CHST9: variants seen among roughly 807,000 people sequenced by gnomAD.
The protein encoded by CHST9 is GalNAc-4-sulfotransferase 2.
In CHST9, 41 loss-of-function variants were observed where a neutral mutation model predicts 44.4. That is an observed-to-expected ratio of 0.92 (90% CI 0.72 to 1.20). CHST9 has a LOEUF of 1.20. Among genes scored for constraint, CHST9 ranks in the 50% most tolerant of loss-of-function variants. The pLI is 0.00. For missense variants in CHST9, 504 were observed against 516.5 expected, an observed-to-expected ratio of 0.98 and a Z score of 0.23; for synonymous variants, 171 against 178.4, an observed-to-expected ratio of 0.96 and a Z score of 0.33.
chr18:26,973,092 G>A (rs1327604837), intron 4 of CHST9, among the ~76,000 whole-genome samples: 10 of 152,100 alleles, frequency 6.6e-5, no homozygotes, highest in African/African-American at 2.4e-5. Context: ...AATGTCTCCC[G>A]TTGGAGAGGC....
chr18:27,132,219 G>T (rs1037852041), intron 2 of CHST9, among the ~76,000 whole-genome samples: 1 of 152,150 alleles, frequency 6.6e-6, no homozygotes, highest in Non-Finnish European at 1.5e-5. Flanking sequence ...CATTGTAAGA[G>T]ACTTTAAAAG....
At position 26,921,502 on chromosome 18, in the gene CHST9, A is replaced by C. The variant is rs747495655; in HGVS notation, c.241-4152T>G. Among the ~76,000 whole-genome samples the C allele has an allele frequency of 2.4e-4, 36 of 152,240 alleles. 1 individual carries two copies. Among genetic ancestry groups the C allele is most frequent in the Non-Finnish European group, 5.0e-4 (34 of 68,002 alleles). Reference sequence around the variant, plus strand: ...CCTTCTCCTGGAACTCCTCATCTCAATGTCATCCACCTTATAAAAGCTGTT... The same window carrying C: ...CCTTCTCCTGGAACTCCTCATCTCACTGTCATCCACCTTATAAAAGCTGTT... On this transcript the variant is annotated intron_variant, in intron 5 of 5. Transcript: ENST00000618847.
intron 2 of CHST9, among the ~76,000 whole-genome samples, chr18:27,049,436 G>A (rs1264556777): frequency 6.6e-6 from 1 of 152,118 alleles, no homozygotes; most frequent in African/African-American, 2.4e-5. Flanking sequence ...CAAGGAGCTT[G>A]TAAGAGGTCA....
At chr18:27,076,351 G>T (rs924555611) in intron 2 of CHST9, among the ~76,000 whole-genome samples, 1 of 152,176 alleles carries the variant, frequency 6.6e-6, no homozygotes, top group Non-Finnish European at 1.5e-5. Context: ...GTGTGTAAGT[G>T]TATGTGTGTA....
intron 4 of CHST9, among the ~76,000 whole-genome samples, chr18:26,971,911 C>T (rs1361487952): frequency 6.6e-6 from 1 of 151,940 alleles, no homozygotes; most frequent in Non-Finnish European, 1.5e-5. Context: ...TGAAGGGGAA[C>T]ACAGACAATA....
intron 5 of CHST9, among the ~76,000 whole-genome samples, chr18:26,926,231 C>A (rs1382338891): frequency 2.0e-5 from 3 of 152,162 alleles, no homozygotes; most frequent in Non-Finnish European, 2.9e-5. Flanking sequence ...TCAAGTTGAT[C>A]CAAAAAGCTA....
rs1282523536 is a variant in CHST9, at chr18:26,907,267, C to T, written c.*8992G>A. Reference sequence around the variant, plus strand: ...GTGAGGAGTCAGCTTAGGGAGAAATCGGGGTTGACTTCTAGGTTCCTAACT... The same window carrying T: ...GTGAGGAGTCAGCTTAGGGAGAAATTGGGGTTGACTTCTAGGTTCCTAACT... On this transcript the variant is annotated 3_prime_UTR_variant, in exon 6 of 6. Transcript: ENST00000618847. 3 of 152,538 alleles carry T rather than the reference C, an allele frequency of 2.0e-5. No homozygotes were observed. The highest frequency in any genetic ancestry group is 2.1e-4 in the South Asian group (1 of 4,826). 9.4% of individuals were successfully genotyped at this position (152,538 alleles called of 1,614,324 possible).
chr18:26,933,228 A>G (rs2055913824), intron 5 of CHST9: 1 of 153,700 alleles, frequency 6.5e-6, no homozygotes, highest in African/African-American at 2.4e-5. Flanking sequence ...ACCCCCATCC[A>G]TGCTTGCAAC....
chr18:26,931,966 G>A (rs1481494907), intron 5 of CHST9, among the ~76,000 whole-genome samples: 3 of 151,830 alleles, frequency 2.0e-5, no homozygotes, highest in Non-Finnish European at 4.4e-5. Flanking sequence ...CTTTCCTCTC[G>A]GTGACATCAC....
intron 5 of CHST9, chr18:26,924,761 G>C (rs894968406): frequency 2.0e-5 from 3 of 153,140 alleles, no homozygotes; most frequent in African/African-American, 7.2e-5. Flanking sequence ...TGATTCCAGG[G>C]CTTCAGAAGC....
intron 1 of CHST9, among the ~76,000 whole-genome samples, chr18:27,160,252 T>A (rs949272694): frequency 6.6e-6 from 1 of 152,232 alleles, no homozygotes; most frequent in Non-Finnish European, 1.5e-5. Context: ...GGGTTTATCA[T>A]GGATAGCTCT....
chr18:26,997,410 G>A (rs985888630), intron 4 of CHST9, among the ~76,000 whole-genome samples: 6 of 152,136 alleles, frequency 3.9e-5, no homozygotes, highest in Admixed American at 6.5e-5. Flanking sequence ...CATCTGTGGG[G>A]GTTTGGTTAC....
chr18:27,076,615 C>T (rs530674952), intron 2 of CHST9, among the ~76,000 whole-genome samples: 2 of 152,266 alleles, frequency 1.3e-5, no homozygotes, highest in South Asian at 2.1e-4. Context: ...TTAGTGTATA[C>T]CCGAATGAGT....
chr18:27,049,723 A>G lies in CHST9; in HGVS notation c.122-1220T>C, dbSNP rs189746929. Among the ~76,000 whole-genome samples, 248 of 152,290 alleles carry G rather than the reference A, an allele frequency of 1.6e-3. 1 individual carries two copies. The highest frequency in any genetic ancestry group is 2.9e-3 in the Non-Finnish European group (197 of 68,026). ...CATTCTTCTCATCTGTGCACAGAAC[A>G]TTCTCTAAGACTGACCACGTGCTCA... On this transcript the variant is annotated intron_variant, in intron 2 of 5. Transcript: ENST00000618847.
chr18:26,961,548 G>C (rs2056400442), intron 4 of CHST9, among the ~76,000 whole-genome samples: 1 of 151,862 alleles, frequency 6.6e-6, no homozygotes, highest in Non-Finnish European at 1.5e-5. Context: ...CTCCAATTCA[G>C]CCTCCAAGTA....
intron 1 of CHST9, among the ~76,000 whole-genome samples, chr18:27,159,025 G>A (rs2143921339): frequency 6.6e-6 from 1 of 152,306 alleles, no homozygotes; most frequent in Middle Eastern, 3.4e-3. Context: ...TGTCAGATGA[G>A]CAGATTGCAA....
chr18:27,053,329 T>G (rs1480375050), intron 2 of CHST9, among the ~76,000 whole-genome samples: 1 of 50,582 alleles, frequency 2.0e-5, no homozygotes, highest in Non-Finnish European at 4.4e-5. Flanking sequence ...AAGGAGAAGA[T>G]TTCATTAAAA....
At chr18:27,161,353 T>C (rs1598769283) in intron 1 of CHST9, among the ~76,000 whole-genome samples, 1 of 152,348 alleles carries the variant, frequency 6.6e-6, no homozygotes, top group African/African-American at 2.4e-5. Context: ...TATTTCTGCC[T>C]TCATTTCGTT....
At chr18:27,125,879 T>C (rs564688485) in intron 2 of CHST9, among the ~76,000 whole-genome samples, 1 of 152,182 alleles carries the variant, frequency 6.6e-6, no homozygotes, top group Non-Finnish European at 1.5e-5. Context: ...CAAGTGAGTT[T>C]CAATATTCTC....
Sources: allele counts gnomAD v4.1 joint callset (sites outside exome capture counted in the v4.1 genomes callset), GRCh38; gene constraint gnomAD v4.1.1; transcripts MANE v1.5; gene names NCBI Gene and HGNC (gene_info 2026-07-23, HGNC 2026-07-21).